The following ZBTB7B variants were observed in gnomAD, a reference collection of about 807,000 sequenced individuals.
The protein encoded by ZBTB7B is zinc finger and BTB domain containing 7B.
A neutral mutation model predicts 31.0 loss-of-function variants in ZBTB7B; 8 were observed. That is an observed-to-expected ratio of 0.26 (90% CI 0.15 to 0.47). The LOEUF (loss-of-function observed/expected upper bound fraction) is 0.47. Among genes scored for constraint, ZBTB7B ranks in the 20% least tolerant of loss-of-function variants. The pLI, the probability that ZBTB7B is intolerant of heterozygous loss-of-function variation, is 0.99. For missense variants in ZBTB7B, 494 were observed against 742.4 expected, an observed-to-expected ratio of 0.67 and a Z score of 3.89; for synonymous variants, 261 against 307.3, an observed-to-expected ratio of 0.85 and a Z score of 1.58.
chr1:155,014,382 A>G (rs186017188), intron 1 of ZBTB7B: 3 of 462,210 alleles, frequency 6.5e-6, no homozygotes, highest in East Asian at 3.7e-5. Flanking sequence ...TATAGTGGTT[A>G]GGAACAAGGA....
chr1:155,011,638 G>A (rs1004685091), intron 1 of ZBTB7B, among the ~76,000 whole-genome samples: 11 of 152,210 alleles, frequency 7.2e-5, no homozygotes, highest in African/African-American at 1.7e-4. Context: ...GACCTTGCCC[G>A]GTTCCCTGGC....
intron 1 of ZBTB7B, among the ~76,000 whole-genome samples, chr1:155,009,454 C>T (rs1405477130): frequency 6.6e-6 from 1 of 152,166 alleles, no homozygotes; most frequent in East Asian, 1.9e-4. Context: ...GGAGCTGGCA[C>T]TGTCCAGGCA....
Position 155,016,883 on chromosome 1 carries a change from T to TC in ZBTB7B, c.*203dup, listed in dbSNP as rs1659459638. On this transcript the variant is annotated 3_prime_UTR_variant, in exon 3 of 3. Coordinates refer to ENST00000535420, the MANE Select transcript of ZBTB7B (RefSeq NM_001256455.2). This position sits in a 1 kb window ranked among gnomAD's most constrained non-coding sequence, Gnocchi z 4.3. ...GCAGAGGCTCCCCAAATTGGGGTGA[T>TC]CCCCCAAGGAGTGATACATATATTG... 1.8e-6 allele frequency: 1 copy of TC among 556,452 alleles called. No individual in the cohort carries two copies. 34.5% of individuals were successfully genotyped at this position (556,452 alleles called of 1,614,324 possible).
At chr1:155,008,291 G>A (rs1658690276) in intron 1 of ZBTB7B, among the ~76,000 whole-genome samples, 2 of 152,226 alleles carry the variant, frequency 1.3e-5, no homozygotes, top group Non-Finnish European at 1.5e-5. Flanking sequence ...TGGTATGTGA[G>A]TGGGTTTGGG....
In ZBTB7B at chr1:155,015,688, A is replaced by G. The variant is rs759218052; in HGVS notation, c.1028A>G (p.Gln343Arg). ...QDKLVRKRRS[Q>R]MPQECPVCHK... ...AAGCTGGTGCGCAAACGCCGCTCCC[A>G]GATGCCTCAGGAGTGCCCTGTCTGC... The change falls in exon 2 of 3, where the codon CAG becomes CGG. Residue 343 changes from glutamine (Q) to arginine (R), a missense_variant. By Grantham distance (43) the Gln-to-Arg change is conservative (BLOSUM62 1). Coordinates refer to ENST00000535420, the MANE Select transcript of ZBTB7B (RefSeq NM_001256455.2). 1 of 1,612,906 alleles carries G rather than the reference A, an allele frequency of 6.2e-7. No homozygotes were observed. The highest frequency in any genetic ancestry group is 8.5e-7 in the Non-Finnish European group (1 of 1,180,006).
intron 1 of ZBTB7B, among the ~76,000 whole-genome samples, chr1:155,012,926 T>G (rs1400703228): frequency 6.6e-6 from 1 of 151,582 alleles, no homozygotes; most frequent in Non-Finnish European, 1.5e-5. Flanking sequence ...TCTGGGCCAG[T>G]CTTTAATATT....
chr1:155,004,435 G>C lies in ZBTB7B; in HGVS notation c.-7+1492G>C, dbSNP rs1235662542. ...AACTGTCTGGTCCCTAAGGGAGTAT[G>C]TGTGAGTGTGGGGATGAGGCCTGGA... On this transcript the variant is annotated intron_variant, in intron 1 of 2. Transcript: ENST00000535420. The surrounding 1 kb of genome is among the most constrained non-coding windows in gnomAD (Gnocchi z 4.0). Among the ~76,000 whole-genome samples the C allele has an allele frequency of 2.0e-5, 3 of 152,128 alleles. No homozygotes were observed. Among genetic ancestry groups the C allele is most frequent in the African/African-American group, 7.2e-5 (3 of 41,406 alleles).
At chr1:155,012,566 T>C (rs2102299506) in intron 1 of ZBTB7B, among the ~76,000 whole-genome samples, 1 of 152,170 alleles carries the variant, frequency 6.6e-6, no homozygotes, top group Non-Finnish European at 1.5e-5. Flanking sequence ...AGCTCCCAGA[T>C]GGCTTGGTTC....
At chr1:155,013,937 G>T in intron 1 of ZBTB7B, 1 of 725,964 alleles carries the variant, frequency 1.4e-6, no homozygotes, top group Non-Finnish European at 1.7e-6. Flanking sequence ...ATGAACTTTT[G>T]GTAGCCAGGG....
intron 2 of ZBTB7B, 49 bp downstream of exon 2, chr1:155,015,863 A>T: frequency 6.4e-7 from 1 of 1,569,048 alleles, no homozygotes; most frequent in South Asian, 1.2e-5. Flanking sequence ...GGTAGGGGAC[A>T]GGGTGGGAGG....
In ZBTB7B at chr1:155,014,667, A is replaced by G; in HGVS notation, c.7A>G (p.Ser3Gly). Residue 3 changes from serine to glycine, a missense_variant, in exon 2 of 3, where the codon AGC becomes GGC. Around this residue, in one of 5 missense-constraint regions of ZBTB7B, gnomAD observed 26 missense variants for 80.4 expected, o/e 0.32. Coordinates refer to ENST00000535420, the MANE Select transcript of ZBTB7B (RefSeq NM_001256455.2). MG[S>G]PEDDLIGIPF... Reference sequence around the variant, plus strand: ...CTTGACTCTGCAGGAGAAGATGGGGAGCCCCGAGGATGACCTGATTGGGAT... The same window carrying G: ...CTTGACTCTGCAGGAGAAGATGGGGGGCCCCGAGGATGACCTGATTGGGAT... 6.2e-7 allele frequency: 1 copy of G among 1,611,344 alleles called. No individual in the cohort carries two copies. The highest frequency in any genetic ancestry group is 8.5e-7 in the Non-Finnish European group (1 of 1,178,108).
intron 1 of ZBTB7B, among the ~76,000 whole-genome samples, chr1:155,013,212 T>C (rs1214656406): frequency 2.6e-5 from 4 of 152,188 alleles, no homozygotes; most frequent in Non-Finnish European, 5.9e-5. Flanking sequence ...AATTATCCTA[T>C]GTTACAGATG....
chr1:155,008,903 C>A (rs1168923848), intron 1 of ZBTB7B, among the ~76,000 whole-genome samples: 2 of 151,912 alleles, frequency 1.3e-5, no homozygotes, highest in African/African-American at 2.4e-5. Context: ...CCTACCTCCC[C>A]CCAAGCCTGG....
At chr1:155,012,632 G>A (rs1398434160) in intron 1 of ZBTB7B, among the ~76,000 whole-genome samples, 5 of 152,050 alleles carry the variant, frequency 3.3e-5, no homozygotes, top group Non-Finnish European at 7.4e-5. Flanking sequence ...CTATCTAAGG[G>A]TGCCTAGAGG....
Position 155,015,486 on chromosome 1 carries a change from G to A in ZBTB7B, c.826G>A (p.Glu276Lys), listed in dbSNP as rs774170783. Residue 276 changes from glutamate (E) to lysine (K), a missense_variant, in exon 2 of 3, where the codon GAG becomes AAG. By Grantham distance (56) the Glu-to-Lys change is moderately conservative (BLOSUM62 1). Around this residue, in one of 5 missense-constraint regions of ZBTB7B, gnomAD observed 216 missense variants for 229.3 expected, o/e 0.94. Coordinates refer to ENST00000535420, the MANE Select transcript of ZBTB7B (RefSeq NM_001256455.2). ...GPQSYEPYEG[E>K]EEEEELVYPP... is the part of the protein sequence containing the mutation. ...CCAGAGCTACGAACCCTATGAGGGT[G>A]AGGAAGAAGAAGAGGAGCTGGTATA... 4 of 1,613,076 alleles carry A rather than the reference G, an allele frequency of 2.5e-6. No individual in the cohort carries two copies. Among genetic ancestry groups the A allele is most frequent in the Non-Finnish European group, 3.4e-6 (4 of 1,179,442 alleles).
rs1658461100 is a variant in ZBTB7B, at chr1:155,004,822, CA to C, written c.-7+1880del. Among the ~76,000 whole-genome samples the C allele has an allele frequency of 6.6e-6, 1 of 151,980 alleles. No individual in the cohort carries two copies. The highest frequency in any genetic ancestry group is 1.5e-5 in the Non-Finnish European group (1 of 67,974). On this transcript the variant is annotated intron_variant, in intron 1 of 2. Transcript: ENST00000535420. This position sits in a 1 kb window ranked among gnomAD's most constrained non-coding sequence, Gnocchi z 4.0. ...GCACAACACAACCTGCTGGCACCCC[CA>C]GACACTGTCCCCTCCCTTGGGTACC...
chr1:155,003,322 G>A lies in ZBTB7B; in HGVS notation c.-7+379G>A, dbSNP rs1162081373. Among the ~76,000 whole-genome samples the A allele has an allele frequency of 1.3e-5, 2 of 151,758 alleles. No individual in the cohort carries two copies. The highest frequency in any genetic ancestry group is 4.8e-5 in the African/African-American group (2 of 41,278). ...CCAGACCGGACTGAGTTGAGGGAAT[G>A]GAAACGCTGACGGACTCTAACTAGG... On this transcript the variant is annotated intron_variant, in intron 1 of 2. Transcript: ENST00000535420. This position sits in a 1 kb window ranked among gnomAD's most constrained non-coding sequence, Gnocchi z 5.8.
chr1:155,016,697 G>T lies in ZBTB7B; in HGVS notation c.*12G>T. ...TGGAGTCCTCTTAAAGAGGGACGAG[G>T]GCCAGACTGAAGCAGCACAAGGCCG... On this transcript the variant is annotated 3_prime_UTR_variant, in exon 3 of 3. Transcript: ENST00000535420. This position sits in a 1 kb window ranked among gnomAD's most constrained non-coding sequence, Gnocchi z 4.3. 1 of 1,439,494 alleles carries T rather than the reference G, an allele frequency of 6.9e-7. No homozygotes were observed. 89.2% of individuals were successfully genotyped at this position (1,439,494 alleles called of 1,614,324 possible).
rs1251449605 is a variant in ZBTB7B, at chr1:155,004,191, A to C, written c.-7+1248A>C. On this transcript the variant is annotated intron_variant, in intron 1 of 2. Coordinates refer to ENST00000535420, the MANE Select transcript of ZBTB7B (RefSeq NM_001256455.2). This position sits in a 1 kb window ranked among gnomAD's most constrained non-coding sequence, Gnocchi z 4.0. ...GACACCGGAAGTGGGTGCTGGGGAG[A>C]GGGGGAGACCGGCAGGCTGTCCAGG... Among the ~76,000 whole-genome samples the C allele has an allele frequency of 6.6e-6, 1 of 152,030 alleles. No individual in the cohort carries two copies. The highest frequency in any genetic ancestry group is 1.9e-4 in the East Asian group (1 of 5,180).
Sources: gnomAD v4.1 joint callset for allele counts (sites outside exome capture counted in the v4.1 genomes callset) on GRCh38, gnomAD v4.1.1 for gene constraint, gnomAD v4.1.1 regional missense constraint, Gnocchi (gnomAD v3.1) non-coding constraint, MANE v1.5 for transcripts, NCBI Gene and HGNC (gene_info 2026-07-23, HGNC 2026-07-21) for gene names.